DOCK1: variants seen among roughly 807,000 people sequenced by gnomAD.
DOCK1 encodes dedicator of cytokinesis protein 1.
A neutral mutation model predicts 262.7 loss-of-function variants in DOCK1; 138 were observed. That is an observed-to-expected ratio of 0.53 (90% CI 0.46 to 0.61). The LOEUF is 0.61. Ranked by LOEUF, DOCK1 falls within the 20% of genes least tolerant of loss-of-function variation. The probability of loss-of-function intolerance (pLI) is 0.00; values close to 1 mark genes in which losing one functional copy is unlikely to be tolerated. For missense variants in DOCK1, 1,908 were observed against 2,370.7 expected (o/e 0.80, Z 4.05); for synonymous variants, 866 against 867.4 (o/e 1.00, Z 0.03).
chr10:127,121,473 G>GTGTGTGTGTGTGTGTGTGTGTC (rs1456124560), intron 25 of DOCK1, among the ~76,000 whole-genome samples: 1 of 151,890 alleles, frequency 6.6e-6, no homozygotes, highest in Non-Finnish European at 1.5e-5. Context: ...GTGTGTGTGT[G>GTGTGTGTGTGTGTGTGTGTGTC]TGTCTATCTG....
At chr10:127,025,014 CAG>C (rs1306679341) in intron 15 of DOCK1, 28 of 405,780 alleles carry the variant, frequency 6.9e-5, no homozygotes, top group African/African-American at 5.0e-4. Flanking sequence ...AGACAAATGA[CAG>C]AGTCTTTTTA....
intron 5 of DOCK1, 67 bp downstream of exon 5, chr10:126,987,684 C>A: frequency 2.3e-6 from 3 of 1,302,184 alleles, no homozygotes; most frequent in Non-Finnish European, 3.2e-6. Flanking sequence ...CCTGATATGC[C>A]AATGGGATGT....
intron 1 of DOCK1, among the ~76,000 whole-genome samples, chr10:126,917,370 G>A (rs1024675660): frequency 6.6e-6 from 1 of 152,200 alleles, no homozygotes; most frequent in Non-Finnish European, 1.5e-5. Context: ...ACATATTCAG[G>A]TTTTGTCTTC....
At chr10:127,047,888 T>C (rs1313848691) in intron 21 of DOCK1, among the ~76,000 whole-genome samples, 1 of 152,224 alleles carries the variant, frequency 6.6e-6, no homozygotes, top group African/African-American at 2.4e-5. Context: ...TGTATGAATA[T>C]TTCATGATTT....
intron 27 of DOCK1, among the ~76,000 whole-genome samples, chr10:127,151,688 C>G (rs1318152063): frequency 6.6e-6 from 1 of 152,142 alleles, no homozygotes; most frequent in Non-Finnish European, 1.5e-5. Context: ...ATGCATTTTC[C>G]CTGCTCGTAT....
At chr10:126,953,112 GTGA>G (rs1489693772) in intron 1 of DOCK1, among the ~76,000 whole-genome samples, 9 of 151,738 alleles carry the variant, frequency 5.9e-5, no homozygotes, top group Non-Finnish European at 8.8e-5. Flanking sequence ...TGAAGTATTG[GTGA>G]TGGTGGTGGT....
intron 1 of DOCK1, 150 bp downstream of exon 1, chr10:126,905,713 A>G (rs2030617604): frequency 6.8e-6 from 1 of 146,554 alleles, no homozygotes; most frequent in Non-Finnish European, 1.5e-5. Flanking sequence ...CCCGCTCGCA[A>G]TGCCCGGCGA....
At chr10:127,013,158 A>G (rs893270816) in intron 12 of DOCK1, among the ~76,000 whole-genome samples, 4 of 152,190 alleles carry the variant, frequency 2.6e-5, no homozygotes, top group African/African-American at 9.7e-5. Flanking sequence ...GTTTTAGAGA[A>G]TGAGCCTTCC....
At chr10:126,999,830 C>T (rs2040460280) in intron 9 of DOCK1, among the ~76,000 whole-genome samples, 1 of 152,158 alleles carries the variant, frequency 6.6e-6, no homozygotes. Flanking sequence ...CATGCACCAC[C>T]ACACCTTGCT....
intron 1 of DOCK1, among the ~76,000 whole-genome samples, chr10:126,912,094 C>T (rs2031852876): frequency 2.0e-5 from 3 of 152,160 alleles, no homozygotes; most frequent in African/African-American, 7.2e-5. Context: ...TTCATAGGGT[C>T]TTCCTTCGGT....
At chr10:127,033,639 GA>G (rs2043392306) in intron 18 of DOCK1, among the ~76,000 whole-genome samples, 2 of 152,182 alleles carry the variant, frequency 1.3e-5, no homozygotes, top group Admixed American at 1.3e-4. Context: ...GTCTCTGGGG[GA>G]TTGTCCGTAA....
intron 27 of DOCK1, among the ~76,000 whole-genome samples, chr10:127,245,559 G>A (rs896314631): frequency 6.6e-6 from 1 of 152,202 alleles, no homozygotes; most frequent in Non-Finnish European, 1.5e-5. Context: ...TATGGAAATT[G>A]CTGTGTTCGC....
intron 31 of DOCK1, among the ~76,000 whole-genome samples, chr10:127,349,419 GCT>G (rs2063782836): frequency 6.6e-6 from 1 of 152,148 alleles, no homozygotes; most frequent in Admixed American, 6.5e-5. Context: ...TTTGGTGTCT[GCT>G]CTCTCTTGTC....
intron 23 of DOCK1, among the ~76,000 whole-genome samples, chr10:127,085,752 A>G (rs9418661): frequency 0.28 from 43,181 of 151,910 alleles, 6,289 homozygotes; most frequent in Middle Eastern, 0.37. Flanking sequence ...GTGAGACCCC[A>G]TCTAAAAAAA....
intron 29 of DOCK1, among the ~76,000 whole-genome samples, chr10:127,307,663 A>G (rs747096476): frequency 1.3e-5 from 2 of 152,148 alleles, no homozygotes; most frequent in Non-Finnish European, 2.9e-5. Context: ...TCGCCTCATG[A>G]AACCCCGAGT....
At chr10:127,212,075 C>T (rs930122801) in intron 27 of DOCK1, among the ~76,000 whole-genome samples, 1 of 152,188 alleles carries the variant, frequency 6.6e-6, no homozygotes, top group Non-Finnish European at 1.5e-5. Flanking sequence ...ATTATTCAAT[C>T]ACCCATCACA....
chr10:126,970,647 C>T, intron 1 of DOCK1, 55 bp from the exon 2 acceptor site: 1 of 1,401,264 alleles, frequency 7.1e-7, no homozygotes, highest in African/African-American at 1.4e-5. Flanking sequence ...CACGACTCAG[C>T]ATGGTCACTT....
intron 1 of DOCK1, among the ~76,000 whole-genome samples, chr10:126,953,933 C>T (rs1452814134): frequency 6.6e-6 from 1 of 152,178 alleles, no homozygotes; most frequent in African/African-American, 2.4e-5. Flanking sequence ...GTAGTTTGCT[C>T]GGTACATTTT....
chr10:127,088,258 C>T (rs1305923065), intron 23 of DOCK1, among the ~76,000 whole-genome samples: 3 of 152,220 alleles, frequency 2.0e-5, no homozygotes, highest in South Asian at 2.1e-4. Context: ...TACTGTTTAC[C>T]GTCGTCTTCT....
Sources: allele counts gnomAD v4.1 joint callset (sites outside exome capture counted in the v4.1 genomes callset), GRCh38; gene constraint gnomAD v4.1.1; transcripts MANE v1.5; gene names NCBI Gene and HGNC (gene_info 2026-07-23, HGNC 2026-07-21).